QPCTL: variants seen among roughly 807,000 people sequenced by gnomAD.
QPCTL encodes the protein glutaminyl-peptide cyclotransferase like.
In QPCTL, 31 loss-of-function variants were observed where a neutral mutation model predicts 34.6. That is an observed-to-expected ratio of 0.90 (90% CI 0.67 to 1.21). The LOEUF (loss-of-function observed/expected upper bound fraction) is 1.21. Ranked by LOEUF, QPCTL falls within the 50% of genes most tolerant of loss-of-function variation. QPCTL has a pLI of 0.00. For synonymous variants in QPCTL, 223 were observed against 226.9 expected, an observed-to-expected ratio of 0.98 and a Z score of 0.15; for missense variants, 474 against 507.8, an observed-to-expected ratio of 0.93 and a Z score of 0.64.
intron 4 of QPCTL, 28 bp from the exon 5 acceptor site, chr19:45,698,772 GC>G: frequency 6.2e-7 from 1 of 1,613,316 alleles, no homozygotes; most frequent in South Asian, 1.1e-5. Flanking sequence ...TCCTGCACGG[GC>G]CCCTCCAGTC....
chr19:45,702,567 C>G (rs1251474004), intron 6 of QPCTL, among the ~76,000 whole-genome samples: 2 of 151,892 alleles, frequency 1.3e-5, no homozygotes, highest in Non-Finnish European at 1.5e-5. Context: ...AGTTTGAGAC[C>G]AGCCTGGCCA....
chr19:45,698,923 G>A (rs766709357), intron 5 of QPCTL, 23 bp downstream of exon 5: 3 of 1,602,272 alleles, frequency 1.9e-6, no homozygotes, highest in East Asian at 4.5e-5. Context: ...GCGGAGGTGG[G>A]CCCCAGCCCA....
intron 5 of QPCTL, among the ~76,000 whole-genome samples, chr19:45,699,398 G>A (rs1427620929): frequency 4.0e-5 from 6 of 151,794 alleles, no homozygotes; most frequent in Non-Finnish European, 1.5e-5. Context: ...CTACTGGGGA[G>A]TATCCTTAGA....
At chr19:45,699,931 CAAAAA>C (rs35011463) in intron 5 of QPCTL, among the ~76,000 whole-genome samples, 2 of 90,104 alleles carry the variant, frequency 2.2e-5, no homozygotes, top group Non-Finnish European at 4.1e-5. Flanking sequence ...GACTCCATCT[CAAAAA>C]AAAAAAAAAA....
chr19:45,699,009 G>A (rs1228962403), intron 5 of QPCTL, 109 bp downstream of exon 5: 2 of 870,002 alleles, frequency 2.3e-6, no homozygotes, highest in African/African-American at 1.7e-5. Context: ...CCACCAGTCT[G>A]GGCCACATAG....
At chr19:45,696,743 A>C (rs1029929688) in intron 3 of QPCTL, among the ~76,000 whole-genome samples, 1 of 151,846 alleles carries the variant, frequency 6.6e-6, no homozygotes, top group African/African-American at 2.4e-5. Flanking sequence ...TCTTAAAAAA[A>C]AAAAAAAGAA....
In QPCTL at chr19:45,701,735, G is replaced by A. The variant is rs1967814700; in HGVS notation, c.887-63G>A. On this transcript the variant is annotated intron_variant, in intron 5 of 6. Transcript: ENST00000012049. ...TGGGTGCTCTGCCTTCCTCTGATTT[G>A]TGGACTGGGGACCTTCGACTACTAA... The A allele has an allele frequency of 4.6e-6, 6 of 1,293,414 alleles. No individual in the cohort carries two copies. The South Asian group carries it at 7.9e-5, about 17-fold the overall frequency. 80.1% of individuals were successfully genotyped at this position (1,293,414 alleles called of 1,614,324 possible). A position where few individuals can be genotyped will look rare whatever the true frequency, so the allele number is the denominator to read the frequency against.
rs768250325 is a variant in QPCTL at position 45,698,907 on chromosome 19, G to T, written c.886+7G>T. ...CATCGGCTGAGGAGCATTGGTAAGG[G>T]TGAATGCGGAGGTGGGCCCCAGCCC... is the stretch of plus-strand genomic sequence containing the variant. On this transcript the variant is annotated splice_region_variant and intron_variant, in intron 5 of 6. Coordinates refer to ENST00000012049, the MANE Select transcript of QPCTL (RefSeq NM_017659.4). 4 of 1,612,900 alleles carry T rather than the reference G, an allele frequency of 2.5e-6. No homozygotes were observed. The South Asian group carries it at 4.4e-5, about 18-fold the overall frequency.
rs1967676407 is a variant in QPCTL, at chr19:45,695,627, T to C, written c.542T>C (p.Phe181Ser). 6.2e-7 allele frequency: 1 copy of C among 1,613,828 alleles called. No individual in the cohort carries two copies. Among genetic ancestry groups the C allele is most frequent in the African/African-American group, 1.3e-5 (1 of 74,898 alleles). ...CTCTTCCCACCCGGATCGACCCCCT[T>C]TGTAGGGGCCACGGATTCGGCTGTG... Reference protein sequence around the residue: ...SKLFPPGSTPFVGATDSAVPC... With the variant: ...SKLFPPGSTPSVGATDSAVPC... Residue 181 changes from phenylalanine to serine, a missense_variant, in exon 3 of 7, where the codon TTT becomes TCT. By Grantham distance (155) the Phe-to-Ser change is radical (BLOSUM62 -2). Coordinates refer to ENST00000012049, the MANE Select transcript of QPCTL (RefSeq NM_017659.4).
At chr19:45,700,300 C>T (rs969296185) in intron 5 of QPCTL, among the ~76,000 whole-genome samples, 3 of 151,566 alleles carry the variant, frequency 2.0e-5, no homozygotes, top group African/African-American at 7.3e-5. Flanking sequence ...CAAAAATTAG[C>T]TGGGTGTGGT....
At position 45,701,899 on chromosome 19, in the gene QPCTL, C is replaced by G; in HGVS notation, c.988C>G (p.Pro330Ala). Reference protein sequence around the residue: ...PFGSVEDDHIPFLRRGVPVLH... With the variant: ...PFGSVEDDHIAFLRRGVPVLH... ...TGGCTCTGTGGAAGACGACCACATC[C>G]CCTTCCTCCGCAGAGGTACCAGCTG... Residue 330 changes from proline to alanine, a missense_variant, in exon 6 of 7, where the codon CCC (proline) becomes GCC (alanine). Transcript: ENST00000012049. The G allele has an allele frequency of 6.2e-7, 1 of 1,612,152 alleles. No homozygotes were observed.
At chr19:45,702,881 C>G in intron 6 of QPCTL, 23 bp from the exon 7 acceptor site, 1 of 1,613,738 alleles carries the variant, frequency 6.2e-7, no homozygotes, top group Non-Finnish European at 8.5e-7. Flanking sequence ...GTGGACCTGA[C>G]AAAGTCTCCT....
At chr19:45,696,277 C>T (rs1026116432) in intron 3 of QPCTL, among the ~76,000 whole-genome samples, 15 of 152,088 alleles carry the variant, frequency 9.9e-5, no homozygotes, top group African/African-American at 3.6e-4. Flanking sequence ...GGCATCTGCA[C>T]TTGCTGTTTG....
intron 6 of QPCTL, among the ~76,000 whole-genome samples, chr19:45,702,319 C>T (rs550195785): frequency 1.1e-4 from 17 of 151,840 alleles, no homozygotes; most frequent in East Asian, 3.9e-4. Flanking sequence ...AAAAATTAGC[C>T]GGGCATGGTG....
chr19:45,698,469 C>T (rs867337141), intron 3 of QPCTL, 78 bp from the exon 4 acceptor site: 47 of 1,543,172 alleles, frequency 3.0e-5, no homozygotes, highest in Middle Eastern at 4.4e-4. Context: ...AGCATGCAAG[C>T]GGGCAAGAAG....
rs775255967 is a variant in QPCTL at position 45,695,373 on chromosome 19, G to A, written c.352-64G>A. ...ATCTGCTCTGCATGGCTCAGGTCAC[G>A]TGGCCCTTCTCCCCACCTCCTCCCC... On this transcript the variant is annotated intron_variant, in intron 2 of 6. Coordinates refer to ENST00000012049, the MANE Select transcript of QPCTL (RefSeq NM_017659.4). 3.7e-5 allele frequency: 54 copies of A among 1,474,082 alleles called. No homozygotes were observed. In the East Asian group the frequency reaches 7.5e-4, roughly 20 times the overall value. The allele number at this position is 1,474,082 out of a possible 1,614,324, so 91.3% of individuals were successfully genotyped here. A position where few individuals can be genotyped will look rare whatever the true frequency, so the allele number is the denominator to read the frequency against.
Position 45,692,870 on chromosome 19 carries a change from A to G in QPCTL, c.167A>G (p.His56Arg). The G allele has an allele frequency of 6.4e-7, 1 of 1,550,984 alleles. No individual in the cohort carries two copies. The highest frequency in any genetic ancestry group is 8.7e-7 in the Non-Finnish European group (1 of 1,149,126). ...SAFYTIWSGW[H>R]RRTEELPLGR... ...TTCTACACCATTTGGAGCGGCTGGC[A>G]CCGCAGGACTGAGGAGCTGCCGCTG... is the stretch of plus-strand genomic sequence containing the variant. The change falls in exon 1 of 7, where the codon CAC (histidine) becomes CGC (arginine). Residue 56 changes from histidine (H) to arginine (R), a missense_variant. Physicochemically the swap from His to Arg is conservative, Grantham distance 29 (BLOSUM62 0). Coordinates refer to ENST00000012049, the MANE Select transcript of QPCTL (RefSeq NM_017659.4).
chr19:45,702,801 AC>A, intron 6 of QPCTL, 102 bp from the exon 7 acceptor site: 2 of 1,354,670 alleles, frequency 1.5e-6, no homozygotes, highest in Non-Finnish European at 1.0e-6. Context: ...AGTATCTTTC[AC>A]CAGTGTGTGG....
rs763210877 is a variant in QPCTL, at chr19:45,698,546, G to A, written c.634-1G>A. On this transcript the variant is annotated splice_acceptor_variant, in intron 3 of 6. Transcript: ENST00000012049. LOFTEE classifies it high-confidence loss of function. ...TGGCCACCCCCCTGCTGCTCCCACA[G>A]GCAGCCCCGGTGACCCTGCAACTGC... The A allele has an allele frequency of 1.2e-6, 2 of 1,613,862 alleles. No homozygotes were observed. Among genetic ancestry groups the A allele is most frequent in the African/African-American group, 1.3e-5 (1 of 75,048 alleles).
Sources: gnomAD v4.1 joint callset for allele counts (sites outside exome capture counted in the v4.1 genomes callset) on GRCh38, gnomAD v4.1.1 for gene constraint, MANE v1.5 for transcripts, NCBI Gene and HGNC (gene_info 2026-07-23, HGNC 2026-07-21) for gene names.